Variants in HECW2 observed in about 807,000 individuals in gnomAD.
The protein encoded by HECW2 is HECT, C2 and WW domain containing E3 ubiquitin protein ligase 2.
In HECW2, 61 loss-of-function variants were observed where a neutral mutation model predicts 175.2. The observed-to-expected ratio is 0.35, with a 90% CI of 0.28 to 0.43. HECW2 has a LOEUF of 0.43. Ranked by LOEUF, HECW2 falls within the 20% of genes least tolerant of loss-of-function variation. The pLI, the probability that HECW2 is intolerant of heterozygous loss-of-function variation, is 1.00. For missense variants in HECW2, 1,524 were observed against 2,000.5 expected (o/e 0.76, Z 4.54); for synonymous variants, 671 against 731.0 (o/e 0.92, Z 1.32).
chr2:196,290,145 T>C (rs1690553206), intron 14 of HECW2: 1 of 152,102 alleles, frequency 6.6e-6, no homozygotes, highest in African/African-American at 2.4e-5. Context: ...GTCAGCTCTC[T>C]ACCAGCCTAC....
At chr2:196,362,299 C>A in intron 2 of HECW2, 1 of 265,010 alleles carries the variant, frequency 3.8e-6, no homozygotes, top group Non-Finnish European at 5.6e-6. Flanking sequence ...TGGGAGAATT[C>A]CAAAGAATGA....
chr2:196,335,420 T>C (rs544628053), intron 3 of HECW2, among the ~76,000 whole-genome samples: 5 of 152,324 alleles, frequency 3.3e-5, no homozygotes, highest in African/African-American at 1.2e-4. Flanking sequence ...GTTCTAAATA[T>C]GCAAGGATGC....
At chr2:196,507,380 T>C (rs1274726780) in intron 1 of HECW2, among the ~76,000 whole-genome samples, 1 of 152,246 alleles carries the variant, frequency 6.6e-6, no homozygotes, top group Admixed American at 6.5e-5. Flanking sequence ...CTCATATGTT[T>C]AGAGCAGTGG....
At chr2:196,582,191 C>T (rs538821904) in intron 1 of HECW2, among the ~76,000 whole-genome samples, 2 of 152,296 alleles carry the variant, frequency 1.3e-5, no homozygotes, top group South Asian at 4.1e-4. Flanking sequence ...TTTTCACTCT[C>T]AAAATATGTA....
intron 1 of HECW2, among the ~76,000 whole-genome samples, chr2:196,497,846 A>G (rs1156795295): frequency 6.6e-6 from 1 of 152,264 alleles, no homozygotes; most frequent in Admixed American, 6.5e-5. Context: ...GGCAAGAAGC[A>G]TCTAGACAGA....
intron 28 of HECW2, among the ~76,000 whole-genome samples, chr2:196,212,437 A>G (rs973532654): frequency 6.6e-6 from 1 of 152,106 alleles, no homozygotes; most frequent in African/African-American, 2.4e-5. Context: ...GCTTGTGAGA[A>G]GATGTAGTAT....
At chr2:196,316,583 T>C (rs1358823681) in intron 10 of HECW2, 1 of 152,208 alleles carries the variant, frequency 6.6e-6, no homozygotes, top group East Asian at 1.9e-4. Context: ...TAAAGGACTG[T>C]CGAAATTTAA....
intron 1 of HECW2, among the ~76,000 whole-genome samples, chr2:196,450,063 A>C (rs565293771): frequency 7.9e-5 from 12 of 152,330 alleles, no homozygotes; most frequent in Non-Finnish European, 1.8e-4. Context: ...AACCAGAAAG[A>C]AAGCTGTGGG....
rs994780461 is a variant in HECW2, at chr2:196,552,132, G to C, written c.-36+41376C>G. ...CTGTCTTTGAAAAGAGAGATGCAGG[G>C]AACTAATATTTCAACCCAAAATGAT... is the stretch of plus-strand genomic sequence containing the variant. On this transcript the variant is annotated intron_variant, in intron 1 of 28. Coordinates refer to ENST00000644978, the MANE Select transcript of HECW2 (RefSeq NM_001348768.2). Among the ~76,000 whole-genome samples, 5 of 152,174 alleles carry C rather than the reference G, an allele frequency of 3.3e-5. No homozygotes were observed. In the South Asian group the frequency reaches 8.3e-4, roughly 25 times the overall value.
chr2:196,239,281 G>T (rs1407323014), intron 21 of HECW2: 2 of 152,208 alleles, frequency 1.3e-5, no homozygotes, highest in African/African-American at 4.8e-5. Flanking sequence ...GACAAGAGCG[G>T]AAGTTATCAG....
intron 2 of HECW2, among the ~76,000 whole-genome samples, chr2:196,395,051 T>C (rs1443116937): frequency 6.6e-6 from 1 of 152,122 alleles, no homozygotes; most frequent in Non-Finnish European, 1.5e-5. Flanking sequence ...AGGGCACTAA[T>C]CCCATTCATG....
chr2:196,487,554 C>T (rs1472166077), intron 1 of HECW2, among the ~76,000 whole-genome samples: 2 of 152,162 alleles, frequency 1.3e-5, no homozygotes, highest in Non-Finnish European at 1.5e-5. Flanking sequence ...CCACACCCCA[C>T]TCTCCAGGGA....
chr2:196,521,802 G>C (rs1688403352), intron 1 of HECW2, among the ~76,000 whole-genome samples: 1 of 149,518 alleles, frequency 6.7e-6, no homozygotes, highest in East Asian at 1.9e-4. Flanking sequence ...TCCCTACAAA[G>C]GACATGAACT....
At chr2:196,282,620 A>T (rs745976940) in intron 14 of HECW2, among the ~76,000 whole-genome samples, 1 of 152,238 alleles carries the variant, frequency 6.6e-6, no homozygotes, top group Non-Finnish European at 1.5e-5. Flanking sequence ...TTATCTAAAG[A>T]TCTGGAATCA....
chr2:196,301,779 A>G (rs949054791), intron 13 of HECW2, among the ~76,000 whole-genome samples: 1 of 148,694 alleles, frequency 6.7e-6, no homozygotes, highest in African/African-American at 2.5e-5. Context: ...GACTCTGGAC[A>G]TTAGACCTTT....
At chr2:196,419,856 G>T (rs1463409876) in intron 2 of HECW2, among the ~76,000 whole-genome samples, 1 of 151,990 alleles carries the variant, frequency 6.6e-6, no homozygotes, top group Non-Finnish European at 1.5e-5. Flanking sequence ...CTACTGTCCC[G>T]TACCCCCACT....
intron 1 of HECW2, among the ~76,000 whole-genome samples, chr2:196,488,402 T>C (rs1219679082): frequency 6.6e-6 from 1 of 152,140 alleles, no homozygotes; most frequent in Non-Finnish European, 1.5e-5. Context: ...AAAACAGCAA[T>C]TCTTTCTCTT....
intron 28 of HECW2, among the ~76,000 whole-genome samples, chr2:196,202,207 A>G (rs1262645941): frequency 5.3e-5 from 8 of 152,220 alleles, no homozygotes; most frequent in Admixed American, 5.2e-4. Flanking sequence ...TGGGGGACCT[A>G]CATAACTTTG....
At chr2:196,457,312 A>T (rs1411461884) in intron 1 of HECW2, among the ~76,000 whole-genome samples, 1 of 152,200 alleles carries the variant, frequency 6.6e-6, no homozygotes, top group Non-Finnish European at 1.5e-5. Flanking sequence ...GAATAATACA[A>T]ACTGACTTTC....
Sources: allele counts gnomAD v4.1 joint callset (sites outside exome capture counted in the v4.1 genomes callset), GRCh38; gene constraint gnomAD v4.1.1; transcripts MANE v1.5; gene names NCBI Gene and HGNC (gene_info 2026-07-23, HGNC 2026-07-21).